Variants in IGDCC4 observed in about 807,000 individuals in gnomAD.
IGDCC4 encodes likely ortholog of mouse neighbor of Punc E11.
A neutral mutation model predicts 116.6 loss-of-function variants in IGDCC4; 72 were observed. The ratio of observed to expected loss-of-function variants is 0.62; its 90% CI spans 0.51 to 0.75. The LOEUF (loss-of-function observed/expected upper bound fraction) is 0.75, where lower values mean the gene tolerates loss of function less well. IGDCC4 is among the 30% of genes least tolerant of loss of function. The pLI, the probability that IGDCC4 is intolerant of heterozygous loss-of-function variation, is 0.00. For synonymous variants in IGDCC4, 709 were observed against 719.9 expected, an observed-to-expected ratio of 0.98 and a Z score of 0.24; for missense variants, 1,501 against 1,662.4, an observed-to-expected ratio of 0.90 and a Z score of 1.69.
At chr15:65,418,441 C>A (rs188778271) in intron 1 of IGDCC4, among the ~76,000 whole-genome samples, 1 of 152,162 alleles carries the variant, frequency 6.6e-6, no homozygotes, top group Non-Finnish European at 1.5e-5. Context: ...CCTTATAGAA[C>A]CATCCAGGAG....
chr15:65,411,410 C>G (rs577841183), intron 1 of IGDCC4, 40 bp from the exon 2 acceptor site: 1 of 1,473,582 alleles, frequency 6.8e-7, no homozygotes, highest in East Asian at 2.4e-5. Flanking sequence ...GTGTATGTCC[C>G]CCCACCTCCC....
At chr15:65,398,210 C>G (rs1175637938) in intron 5 of IGDCC4, among the ~76,000 whole-genome samples, 1 of 152,040 alleles carries the variant, frequency 6.6e-6, no homozygotes, top group Non-Finnish European at 1.5e-5. Context: ...TCCTAGTTTT[C>G]TACGGTGAAC....
intron 3 of IGDCC4, among the ~76,000 whole-genome samples, chr15:65,403,483 T>C (rs909798671): frequency 3.9e-5 from 6 of 152,182 alleles, no homozygotes; most frequent in Non-Finnish European, 1.5e-5. Flanking sequence ...CTCCCTCCCT[T>C]AATAAAATAC....
At position 65,385,951 on chromosome 15, in the gene IGDCC4, G is replaced by A. The variant is rs201280318; in HGVS notation, c.3060C>T (p.Ser1020=). The change falls in exon 18 of 20, where the codon TCC becomes TCT. Residue 1020 remains serine, a synonymous_variant. Coordinates refer to ENST00000352385, the MANE Select transcript of IGDCC4 (RefSeq NM_020962.3). The part of the protein sequence containing the change: ...PSPPAAHELE[S]LVHPHPQDWS... ...AGTCCTGGGGATGGGGGTGCACAAG[G>A]GACTCCAATTCATGGGCAGCTGGGG... is the stretch of plus-strand genomic sequence containing the variant. 6 of 1,606,462 alleles carry A rather than the reference G, an allele frequency of 3.7e-6. No homozygotes were observed. In the East Asian group the frequency reaches 6.7e-5, roughly 18 times the overall value.
rs1407033874 is a variant in IGDCC4, at chr15:65,384,804, T to C, written c.3342+150A>G. 1 of 1,059,766 alleles carries C rather than the reference T, an allele frequency of 9.4e-7. No individual in the cohort carries two copies. 65.6% of individuals were successfully genotyped at this position (1,059,766 alleles called of 1,614,324 possible). ...GCAAACTGGCCTGCCCTCCACCTACTCAACCTTTGGAGGCTCCAGGGGTCT... is the reference window on the plus strand; with the variant it reads ...GCAAACTGGCCTGCCCTCCACCTACCCAACCTTTGGAGGCTCCAGGGGTCT... On this transcript the variant is annotated intron_variant, in intron 19 of 19. Transcript: ENST00000352385. The surrounding 1 kb of genome is among the most constrained non-coding windows in gnomAD (Gnocchi z 4.9).
intron 1 of IGDCC4, among the ~76,000 whole-genome samples, chr15:65,412,511 C>CAAAAA (rs3082805): frequency 0.18 from 3,005 of 16,718 alleles, 1,017 homozygotes; most frequent in East Asian, 0.62. Flanking sequence ...GATTCCATCT[C>CAAAAA]AAAAAAAAAA....
At position 65,409,114 on chromosome 15, in the gene IGDCC4, C is replaced by T. The variant is rs1037463949; in HGVS notation, c.563+1064G>A. On this transcript the variant is annotated intron_variant, in intron 3 of 19. Coordinates refer to ENST00000352385, the MANE Select transcript of IGDCC4 (RefSeq NM_020962.3). Reference sequence around the variant, plus strand: ...CCTCCCAAAAGGTTGGGATTACAGGCATGAGTCACCACACCCAGCCAGGAT... The same window carrying T: ...CCTCCCAAAAGGTTGGGATTACAGGTATGAGTCACCACACCCAGCCAGGAT... 1.6e-4 allele frequency among the ~76,000 whole-genome samples: 25 copies of T among 152,256 alleles called. No individual in the cohort carries two copies. The East Asian group carries it at 4.4e-3, about 27-fold the overall frequency.
chr15:65,401,081 G>T, intron 4 of IGDCC4, 135 bp from the exon 5 acceptor site: 16 of 1,130,256 alleles, frequency 1.4e-5, no homozygotes, highest in East Asian at 2.5e-5. Context: ...GATGGGGGAC[G>T]TAGCCATAAA....
At chr15:65,419,899 C>G (rs1046971362) in intron 1 of IGDCC4, among the ~76,000 whole-genome samples, 1 of 152,198 alleles carries the variant, frequency 6.6e-6, no homozygotes, top group Non-Finnish European at 1.5e-5. Context: ...CAGGCATTAT[C>G]CTAACCCCAA....
At chr15:65,385,771 G>T in intron 18 of IGDCC4, 60 bp downstream of exon 18, 1 of 1,369,694 alleles carries the variant, frequency 7.3e-7, no homozygotes, top group Non-Finnish European at 1.0e-6. Context: ...CACGCGTTGT[G>T]CTCTGTCGCC....
At chr15:65,420,387 T>C (rs992296831) in intron 1 of IGDCC4, among the ~76,000 whole-genome samples, 2 of 152,144 alleles carry the variant, frequency 1.3e-5, no homozygotes, top group African/African-American at 4.8e-5. Flanking sequence ...CACCATCCTC[T>C]CTTCTGGATT....
chr15:65,417,155 A>C lies in IGDCC4; in HGVS notation c.70+5638T>G, dbSNP rs143284810. Among the ~76,000 whole-genome samples the C allele has an allele frequency of 4.5e-4, 69 of 152,262 alleles. No individual in the cohort carries two copies. The East Asian group carries it at 0.013, about 29-fold the overall frequency. On this transcript the variant is annotated intron_variant, in intron 1 of 19. Transcript: ENST00000352385. ...AGGAGAAATTCTCCACGACACCATC[A>C]CCATTCTCCTTTCCCAGAGAACACA...
At chr15:65,396,682 G>C in intron 6 of IGDCC4, 152 bp downstream of exon 6, 2 of 978,128 alleles carry the variant, frequency 2.0e-6, no homozygotes, top group Non-Finnish European at 3.0e-6. Context: ...CCCATCCCTC[G>C]TCCCACCTCC....
chr15:65,390,141 G>T lies in IGDCC4; in HGVS notation c.2408+14C>A. The T allele has an allele frequency of 6.4e-7, 1 of 1,559,772 alleles. No homozygotes were observed. Among genetic ancestry groups the T allele is most frequent in the Non-Finnish European group, 8.8e-7 (1 of 1,140,796 alleles). ...TCCTCCCTTCTTTACATTAGTAAAG[G>T]CATTAGTCCCCACCTGGTGTAATAG... On this transcript the variant is annotated intron_variant, in intron 13 of 19. Coordinates refer to ENST00000352385, the MANE Select transcript of IGDCC4 (RefSeq NM_020962.3).
intron 6 of IGDCC4, 89 bp downstream of exon 6, chr15:65,396,745 C>T (rs893003182): frequency 6.1e-6 from 9 of 1,475,468 alleles, no homozygotes; most frequent in South Asian, 1.3e-5. Flanking sequence ...CGCCTGAGTG[C>T]CCCCAGCACA....
At chr15:65,420,502 G>C (rs1187206414) in intron 1 of IGDCC4, among the ~76,000 whole-genome samples, 1 of 152,110 alleles carries the variant, frequency 6.6e-6, no homozygotes, top group East Asian at 1.9e-4. Flanking sequence ...TTTAAATCCT[G>C]TCAAGGGCTC....
At position 65,381,598 on chromosome 15, in the gene IGDCC4, A is replaced by G. The variant is rs2091402138; in HGVS notation, c.*2411T>C. The G allele has an allele frequency of 6.6e-6, 1 of 152,236 alleles. No individual in the cohort carries two copies. The highest frequency in any genetic ancestry group is 2.1e-4 in the South Asian group (1 of 4,836). 9.4% of individuals were successfully genotyped at this position (152,236 alleles called of 1,614,324 possible). A position where few individuals can be genotyped will look rare whatever the true frequency, so the allele number is the denominator to read the frequency against. On this transcript the variant is annotated 3_prime_UTR_variant, in exon 20 of 20. Transcript: ENST00000352385. The stretch of plus-strand genomic sequence containing the variant: ...GAGAAAAAAAAAACGCTGGAAGGAT[A>G]ATTAAATAGTACAGCATAAACTAAA...
At chr15:65,387,114 C>T (rs897412386) in intron 16 of IGDCC4, among the ~76,000 whole-genome samples, 5 of 151,890 alleles carry the variant, frequency 3.3e-5, no homozygotes, top group African/African-American at 1.2e-4. Context: ...GTAGCATCAA[C>T]CTCCTGGGCT....
At chr15:65,392,800 G>A (rs746498655) in intron 10 of IGDCC4, among the ~76,000 whole-genome samples, 61 of 152,156 alleles carry the variant, frequency 4.0e-4, no homozygotes, top group Non-Finnish European at 2.2e-4. Context: ...CCACTTGAGA[G>A]TGAGGAGCTT....
Sources: allele counts gnomAD v4.1 joint callset (sites outside exome capture counted in the v4.1 genomes callset), GRCh38; gene constraint gnomAD v4.1.1; non-coding constraint Gnocchi (gnomAD v3.1); transcripts MANE v1.5; gene names NCBI Gene and HGNC (gene_info 2026-07-23, HGNC 2026-07-21).